LPP: variants seen among roughly 807,000 people sequenced by gnomAD.
LPP encodes the protein lipoma-preferred partner.
A neutral mutation model predicts 60.4 loss-of-function variants in LPP; 38 were observed. That is an observed-to-expected ratio of 0.63 (90% CI 0.49 to 0.83). The LOEUF is 0.83. Ranked by LOEUF, LPP falls within the 40% of genes least tolerant of loss-of-function variation. The pLI is 0.00. For synonymous variants in LPP, 328 were observed against 290.8 expected (o/e 1.13, Z -1.30); for missense variants, 902 against 783.6 (o/e 1.15, Z -1.80).
intron 9 of LPP, among the ~76,000 whole-genome samples, chr3:188,845,643 T>C (rs1761207870): frequency 6.6e-6 from 1 of 152,194 alleles, no homozygotes; most frequent in Non-Finnish European, 1.5e-5. Flanking sequence ...GTATATATGC[T>C]GTGTACCCTT....
At chr3:188,174,469 A>T (rs1219003428) in intron 1 of LPP, among the ~76,000 whole-genome samples, 1 of 152,248 alleles carries the variant, frequency 6.6e-6, no homozygotes, top group Non-Finnish European at 1.5e-5. Context: ...CGCACGCATG[A>T]GGCAGCAGGG....
chr3:188,656,292 A>C (rs1395698183), intron 7 of LPP, among the ~76,000 whole-genome samples: 2 of 151,944 alleles, frequency 1.3e-5, no homozygotes, highest in Non-Finnish European at 2.9e-5. Context: ...AGGGTTCTGA[A>C]GACAAACCTG....
intron 9 of LPP, among the ~76,000 whole-genome samples, chr3:188,794,518 GA>G (rs1250503125): frequency 6.6e-6 from 1 of 152,164 alleles, no homozygotes; most frequent in East Asian, 1.9e-4. Flanking sequence ...TAGAGGGCAA[GA>G]AGGGGCAAAT....
chr3:188,553,132 T>A (rs935934193), intron 6 of LPP, among the ~76,000 whole-genome samples: 3 of 152,164 alleles, frequency 2.0e-5, no homozygotes, highest in African/African-American at 7.2e-5. Flanking sequence ...TTGAAGTGGG[T>A]AGCTTGTGGT....
chr3:188,291,942 A>T (rs559946986), intron 2 of LPP, among the ~76,000 whole-genome samples: 1 of 152,294 alleles, frequency 6.6e-6, no homozygotes, highest in East Asian at 1.9e-4. Context: ...AATTCTTACC[A>T]AGTACTGTCA....
chr3:188,293,292 G>A (rs1746653709), intron 2 of LPP, among the ~76,000 whole-genome samples: 1 of 152,240 alleles, frequency 6.6e-6, no homozygotes. Flanking sequence ...TGTTCCTCTA[G>A]TATATTCTAA....
At chr3:188,485,120 A>G (rs1179987362) in intron 5 of LPP, among the ~76,000 whole-genome samples, 1 of 152,170 alleles carries the variant, frequency 6.6e-6, no homozygotes, top group Non-Finnish European at 1.5e-5. Flanking sequence ...TAGTTGGTTA[A>G]TGTGGATCCT....
intron 6 of LPP, among the ~76,000 whole-genome samples, chr3:188,551,576 T>C (rs1043939651): frequency 1.3e-5 from 2 of 152,176 alleles, no homozygotes; most frequent in Admixed American, 6.5e-5. Context: ...GACCTTCTCA[T>C]AGGGAACTTA....
At chr3:188,457,737 A>ATATAT (rs200234329) in intron 4 of LPP, among the ~76,000 whole-genome samples, 66 of 76,104 alleles carry the variant, frequency 8.7e-4, no homozygotes, top group South Asian at 1.5e-3. Flanking sequence ...CTAAAAAAAA[A>ATATAT]AAATATATAT....
intron 9 of LPP, among the ~76,000 whole-genome samples, chr3:188,775,749 C>T (rs747796059): frequency 4.6e-5 from 7 of 152,204 alleles, no homozygotes; most frequent in African/African-American, 7.2e-5. Flanking sequence ...TAAACCCCAC[C>T]AACTTGCCAA....
chr3:188,275,275 C>A (rs1739242780), intron 2 of LPP, among the ~76,000 whole-genome samples: 1 of 152,156 alleles, frequency 6.6e-6, no homozygotes, highest in Admixed American at 6.5e-5. Context: ...GGGATGACTT[C>A]TTTTCCTTTG....
intron 7 of LPP, among the ~76,000 whole-genome samples, chr3:188,639,035 C>G (rs1267327412): frequency 6.7e-6 from 1 of 150,306 alleles, no homozygotes; most frequent in Non-Finnish European, 1.5e-5. Flanking sequence ...CATATGGAAC[C>G]AAAAAAGAGC....
chr3:188,425,053 C>A (rs1040141936), intron 4 of LPP, among the ~76,000 whole-genome samples: 10 of 152,090 alleles, frequency 6.6e-5, no homozygotes, highest in Admixed American at 5.2e-4. Flanking sequence ...TCAGCTTTTG[C>A]CCATTTAGTA....
intron 1 of LPP, among the ~76,000 whole-genome samples, chr3:188,224,708 G>A (rs1355983443): frequency 6.6e-6 from 1 of 152,084 alleles, no homozygotes; most frequent in African/African-American, 2.4e-5. Flanking sequence ...AAAAGCAGGA[G>A]CAAGAGAGGG....
At chr3:188,173,214 T>C (rs1722075067) in intron 1 of LPP, among the ~76,000 whole-genome samples, 1 of 152,096 alleles carries the variant, frequency 6.6e-6, no homozygotes, top group African/African-American at 2.4e-5. Context: ...GAAAAGCCTA[T>C]TACAGGTCAG....
At chr3:188,826,230 T>G (rs1755447048) in intron 9 of LPP, among the ~76,000 whole-genome samples, 1 of 152,196 alleles carries the variant, frequency 6.6e-6, no homozygotes, top group Non-Finnish European at 1.5e-5. Flanking sequence ...CACTGAAGTT[T>G]TTTACCATTT....
chr3:188,531,911 C>T (rs2150284607), intron 6 of LPP, among the ~76,000 whole-genome samples: 1 of 152,208 alleles, frequency 6.6e-6, no homozygotes, highest in Middle Eastern at 3.4e-3. Flanking sequence ...CTGGTGACCA[C>T]CCCTACTCTG....
chr3:188,484,394 A>G (rs1210976314), intron 4 of LPP, among the ~76,000 whole-genome samples, 198 bp from the exon 5 acceptor site: 1 of 152,222 alleles, frequency 6.6e-6, no homozygotes, highest in Non-Finnish European at 1.5e-5. Context: ...TCTAAATATC[A>G]AATCCGATAC....
intron 5 of LPP, among the ~76,000 whole-genome samples, chr3:188,493,727 G>A (rs1185946651): frequency 6.6e-6 from 1 of 152,134 alleles, no homozygotes; most frequent in Non-Finnish European, 1.5e-5. Flanking sequence ...TTACAGGTGT[G>A]AGCCACTGCT....
Sources: allele counts gnomAD v4.1 joint callset (sites outside exome capture counted in the v4.1 genomes callset), GRCh38; gene constraint gnomAD v4.1.1; transcripts MANE v1.5; gene names NCBI Gene and HGNC (gene_info 2026-07-23, HGNC 2026-07-21).